The following KATNIP variants were observed in gnomAD, a reference collection of about 807,000 sequenced individuals.
KATNIP encodes the protein katanin interacting protein, also known as katanin-interacting protein.
Under a neutral mutation model 174.0 loss-of-function variants are expected in KATNIP, and 126 were observed. The observed-to-expected ratio is 0.72, with a 90% CI of 0.63 to 0.84. The LOEUF (loss-of-function observed/expected upper bound fraction) is 0.84, where lower values mean the gene tolerates loss of function less well. Among genes scored for constraint, KATNIP ranks in the 40% least tolerant of loss-of-function variants. The probability of loss-of-function intolerance (pLI) is 0.00; values close to 1 mark genes in which losing one functional copy is unlikely to be tolerated. For missense variants in KATNIP, 1,958 were observed against 2,109.7 expected (o/e 0.93, Z 1.41); for synonymous variants, 810 against 835.7 (o/e 0.97, Z 0.53).
intron 3 of KATNIP, among the ~76,000 whole-genome samples, chr16:27,626,333 A>G (rs562406690): frequency 6.6e-6 from 1 of 152,188 alleles, no homozygotes; most frequent in South Asian, 2.1e-4. Flanking sequence ...ATTACTGAAC[A>G]CTGACTATCT....
intron 1 of KATNIP, among the ~76,000 whole-genome samples, chr16:27,563,764 G>A (rs2089977414): frequency 1.3e-5 from 2 of 151,882 alleles, no homozygotes; most frequent in South Asian, 4.1e-4. Context: ...TGTTGAAAAA[G>A]TTGGTCACAT....
chr16:27,572,287 TATTACA>T (rs2090333442), intron 1 of KATNIP, among the ~76,000 whole-genome samples: 1 of 151,448 alleles, frequency 6.6e-6, no homozygotes, highest in Non-Finnish European at 1.5e-5. Context: ...GAACACCCTG[TATTACA>T]GTGGTACATT....
intron 6 of KATNIP, among the ~76,000 whole-genome samples, chr16:27,665,731 G>A (rs1319946203): frequency 1.3e-5 from 2 of 151,588 alleles, no homozygotes; most frequent in Non-Finnish European, 2.9e-5. Flanking sequence ...CTCCCAAGTA[G>A]CTGGGACTAC....
intron 3 of KATNIP, among the ~76,000 whole-genome samples, chr16:27,620,192 T>TG (rs1313951008): frequency 2.6e-5 from 4 of 152,152 alleles, no homozygotes; most frequent in African/African-American, 9.7e-5. Context: ...CCATAAAATT[T>TG]GGGGGGACGT....
chr16:27,620,089 A>G (rs2073726402), intron 3 of KATNIP, among the ~76,000 whole-genome samples: 1 of 152,218 alleles, frequency 6.6e-6, no homozygotes, highest in Non-Finnish European at 1.5e-5. Flanking sequence ...TAAGTGTGCA[A>G]TCAAAGAGGC....
chr16:27,606,023 G>A (rs1024942684), intron 2 of KATNIP, among the ~76,000 whole-genome samples: 1 of 152,162 alleles, frequency 6.6e-6, no homozygotes, highest in African/African-American at 2.4e-5. Context: ...CCAGCTACTG[G>A]GGAGGCTGAG....
intron 2 of KATNIP, among the ~76,000 whole-genome samples, chr16:27,617,977 ATC>A (rs2076088927): frequency 6.6e-6 from 1 of 152,132 alleles, no homozygotes; most frequent in African/African-American, 2.4e-5. Flanking sequence ...GGCTCAAGCA[ATC>A]CTCTCGCCTC....
At chr16:27,713,832 A>C (rs1226677705) in intron 13 of KATNIP, among the ~76,000 whole-genome samples, 5 of 73,614 alleles carry the variant, frequency 6.8e-5, no homozygotes, top group East Asian at 3.6e-4. Flanking sequence ...ATATATATAT[A>C]TATATATATA....
chr16:27,732,072 G>A (rs1055641867), intron 14 of KATNIP, among the ~76,000 whole-genome samples: 3 of 152,196 alleles, frequency 2.0e-5, no homozygotes, highest in African/African-American at 7.2e-5. Context: ...TTATGTGAAA[G>A]CTCCCAATTT....
At chr16:27,645,358 A>G (rs2076928414) in intron 5 of KATNIP, among the ~76,000 whole-genome samples, 1 of 152,204 alleles carries the variant, frequency 6.6e-6, no homozygotes. Context: ...CAGGGAGGCT[A>G]GATGACTTGC....
intron 6 of KATNIP, 40 bp downstream of exon 6, chr16:27,648,775 G>A (rs753316105): frequency 2.5e-6 from 4 of 1,600,632 alleles, no homozygotes; most frequent in Non-Finnish European, 3.4e-6. Flanking sequence ...ACACCTGAAG[G>A]ACGGCGAGGC....
chr16:27,621,614 G>A (rs2142085653), intron 3 of KATNIP, among the ~76,000 whole-genome samples: 1 of 152,126 alleles, frequency 6.6e-6, no homozygotes, highest in African/African-American at 2.4e-5. Context: ...AGCTGAGACT[G>A]GGTAATTTAT....
chr16:27,660,530 C>G (rs1222395062), intron 6 of KATNIP, among the ~76,000 whole-genome samples: 2 of 152,086 alleles, frequency 1.3e-5, no homozygotes, highest in African/African-American at 4.8e-5. Flanking sequence ...GCCTGGGCAA[C>G]AGAGCAAGAC....
At chr16:27,687,154 G>A (rs981974709) in intron 8 of KATNIP, 1 of 152,172 alleles carries the variant, frequency 6.6e-6, no homozygotes, top group Non-Finnish European at 1.5e-5. Flanking sequence ...CCAGCCTTGT[G>A]GCAGCTCTCA....
At chr16:27,753,058 T>G (rs1428124340) in intron 17 of KATNIP, among the ~76,000 whole-genome samples, 1 of 152,032 alleles carries the variant, frequency 6.6e-6, no homozygotes, top group Non-Finnish European at 1.5e-5. Context: ...CCCTGGGGAT[T>G]GTACCTCGCA....
chr16:27,666,530 G>A lies in KATNIP; in HGVS notation c.541-11199G>A, dbSNP rs1228071980. Among the ~76,000 whole-genome samples the A allele has an allele frequency of 2.6e-5, 4 of 152,068 alleles. No homozygotes were observed. In the East Asian group the frequency reaches 7.7e-4, roughly 29 times the overall value. On this transcript the variant is annotated intron_variant, in intron 6 of 27. Transcript: ENST00000261588. The stretch of plus-strand genomic sequence containing the variant: ...CCTCCCGGGTTCAAGCGATTCTCCT[G>A]CCTCAGCCTCCTGAGTAACTGGGAT...
At chr16:27,625,126 A>G (rs1014825684) in intron 3 of KATNIP, among the ~76,000 whole-genome samples, 1 of 152,210 alleles carries the variant, frequency 6.6e-6, no homozygotes. Context: ...CAATTTTTAA[A>G]AAACACTTTT....
intron 8 of KATNIP, among the ~76,000 whole-genome samples, chr16:27,695,420 A>T (rs1318288054): frequency 6.6e-6 from 1 of 152,152 alleles, no homozygotes; most frequent in East Asian, 1.9e-4. Context: ...CTGCTCAGAG[A>T]ACACATCACA....
intron 18 of KATNIP, among the ~76,000 whole-genome samples, chr16:27,761,046 C>CAGT (rs2081935118): frequency 6.6e-6 from 1 of 152,130 alleles, no homozygotes; most frequent in Non-Finnish European, 1.5e-5. Flanking sequence ...CCCTGGTGCA[C>CAGT]AGTGAGGTCA....
Sources: allele counts gnomAD v4.1 joint callset (sites outside exome capture counted in the v4.1 genomes callset), GRCh38; gene constraint gnomAD v4.1.1; transcripts MANE v1.5; gene names NCBI Gene and HGNC (gene_info 2026-07-23, HGNC 2026-07-21).